Variants in CAMK1D observed in about 807,000 individuals in gnomAD.
CAMK1D encodes calcium/calmodulin dependent protein kinase ID, also known as calcium/calmodulin-dependent protein kinase type 1D.
In CAMK1D, 9 loss-of-function variants were observed where a neutral mutation model predicts 47.7. That is an observed-to-expected ratio of 0.19 (90% confidence interval 0.11 to 0.33). The LOEUF is 0.33. Among genes scored for constraint, CAMK1D ranks in the 10% least tolerant of loss-of-function variants. The pLI is 1.00. For synonymous variants in CAMK1D, 184 were observed against 184.9 expected, an observed-to-expected ratio of 0.99 and a Z score of 0.04; for missense variants, 291 against 488.7, an observed-to-expected ratio of 0.60 and a Z score of 3.81.
At chr10:12,692,952 G>A (rs1474402313) in intron 3 of CAMK1D, among the ~76,000 whole-genome samples, 1 of 152,200 alleles carries the variant, frequency 6.6e-6, no homozygotes, top group Admixed American at 6.5e-5. Flanking sequence ...GTGCCCGCTT[G>A]TTGGGTCAAA....
chr10:12,352,883 C>T (rs1453150671), intron 1 of CAMK1D, among the ~76,000 whole-genome samples: 1 of 151,772 alleles, frequency 6.6e-6, no homozygotes, highest in Admixed American at 6.6e-5. Context: ...ACTACAGACG[C>T]CCGCCGCCAT....
chr10:12,547,673 T>TTTCTC (rs1836431438), intron 1 of CAMK1D, among the ~76,000 whole-genome samples: 1 of 117,710 alleles, frequency 8.5e-6, no homozygotes, highest in Admixed American at 9.0e-5. Context: ...CTCTCTCTCT[T>TTTCTC]TCTCTCTCTC....
chr10:12,651,761 TC>T (rs1272038134), intron 2 of CAMK1D, among the ~76,000 whole-genome samples: 1 of 151,556 alleles, frequency 6.6e-6, no homozygotes, highest in African/African-American at 2.4e-5. Flanking sequence ...ACAAAGGAGC[TC>T]ATTACCATCT....
intron 1 of CAMK1D, among the ~76,000 whole-genome samples, chr10:12,463,130 G>GTTTT (rs34084682): frequency 7.1e-6 from 1 of 141,162 alleles, no homozygotes. Context: ...AGCTCTAAGA[G>GTTTT]TTTTTTTTTT....
chr10:12,553,512 C>T (rs952823902), intron 2 of CAMK1D, among the ~76,000 whole-genome samples, 156 bp downstream of exon 2: 1 of 152,174 alleles, frequency 6.6e-6, no homozygotes, highest in Non-Finnish European at 1.5e-5. Flanking sequence ...GCACTTTTCC[C>T]ATAGACCTCT....
intron 3 of CAMK1D, among the ~76,000 whole-genome samples, chr10:12,751,052 ATAAGATAAGATAAGATAAG>A (rs1835926279): frequency 4.2e-3 from 1 of 236 alleles, no homozygotes; most frequent in Non-Finnish European, 9.8e-3. Context: ...GTCTCCCCCA[ATAAGATAAGATAAGATAAG>A]ATAAGATAAG....
chr10:12,595,364 A>AAAAAAAAAAAAAAAAC (rs60206877), intron 2 of CAMK1D, among the ~76,000 whole-genome samples: 1 of 149,410 alleles, frequency 6.7e-6, no homozygotes, highest in Non-Finnish European at 1.5e-5. Context: ...AAAAAAAAAA[A>AAAAAAAAAAAAAAAAC]GGATGGTTTT....
intron 2 of CAMK1D, among the ~76,000 whole-genome samples, chr10:12,585,364 CGCCTGGGGTCT>C (rs1187887481): frequency 6.6e-6 from 1 of 152,192 alleles, no homozygotes; most frequent in Non-Finnish European, 1.5e-5. Context: ...AAGCTGCCTC[CGCCTGGGGTCT>C]CCATTCTGAC....
chr10:12,670,069 G>A (rs143017843), intron 3 of CAMK1D, among the ~76,000 whole-genome samples: 37 of 150,362 alleles, frequency 2.5e-4, no homozygotes, highest in Non-Finnish European at 2.8e-4. Context: ...GGTAGATGTT[G>A]CGTTCAACTT....
At chr10:12,595,403 G>A (rs1395956424) in intron 2 of CAMK1D, among the ~76,000 whole-genome samples, 1 of 133,102 alleles carries the variant, frequency 7.5e-6, no homozygotes, top group African/African-American at 2.8e-5. Context: ...GCTAAAGCTA[G>A]GAACTTGAGG....
chr10:12,645,958 A>G (rs1588727667), intron 2 of CAMK1D, among the ~76,000 whole-genome samples: 1 of 148,902 alleles, frequency 6.7e-6, no homozygotes, highest in Admixed American at 6.8e-5. Context: ...GATTTCTCAT[A>G]AATGGCTAGT....
chr10:12,582,095 T>TG (rs2132340347), intron 2 of CAMK1D, among the ~76,000 whole-genome samples: 1 of 152,334 alleles, frequency 6.6e-6, no homozygotes, highest in Non-Finnish European at 1.5e-5. Context: ...CTAGTTTCAT[T>TG]CTTCTACATG....
intron 2 of CAMK1D, among the ~76,000 whole-genome samples, chr10:12,661,577 A>C (rs1840276107): frequency 6.6e-6 from 1 of 152,276 alleles, no homozygotes; most frequent in South Asian, 2.1e-4. Context: ...TAAATGGTAC[A>C]ATAAAACAGC....
In CAMK1D at chr10:12,403,793, TC is replaced by T. The variant is rs145555149; in HGVS notation, c.92+53888del. 9.8e-3 allele frequency among the ~76,000 whole-genome samples: 1,485 copies of T among 152,136 alleles called. 14 individuals carry two copies. The highest frequency in any genetic ancestry group is 0.028 in the African/African-American group (1,164 of 41,522). ...GCATTGAACTTCTAAGTGTGTTTTT[TC>T]CCCCATCAGCATCTCAACTGTTCTT... On this transcript the variant is annotated intron_variant, in intron 1 of 10. Coordinates refer to ENST00000619168, the MANE Select transcript of CAMK1D (RefSeq NM_153498.4).
At chr10:12,730,460 G>A (rs368375178) in intron 3 of CAMK1D, among the ~76,000 whole-genome samples, 10 of 152,324 alleles carry the variant, frequency 6.6e-5, no homozygotes, top group African/African-American at 2.4e-4. Context: ...AGTTTGAATA[G>A]GCCGTTGGAT....
chr10:12,663,454 GAT>G (rs1251695326), intron 2 of CAMK1D, among the ~76,000 whole-genome samples: 2 of 152,110 alleles, frequency 1.3e-5, no homozygotes, highest in Non-Finnish European at 2.9e-5. Context: ...ATCTGTGCAG[GAT>G]ATATGGGAAG....
chr10:12,778,619 A>T (rs779989103), intron 5 of CAMK1D, among the ~76,000 whole-genome samples: 3 of 152,198 alleles, frequency 2.0e-5, no homozygotes, highest in Non-Finnish European at 4.4e-5. Flanking sequence ...GCTCATGCCT[A>T]TAATCCCAGC....
At chr10:12,750,279 G>A (rs1202362252) in intron 3 of CAMK1D, among the ~76,000 whole-genome samples, 2 of 152,204 alleles carry the variant, frequency 1.3e-5, no homozygotes, top group Admixed American at 6.5e-5. Context: ...CCACCCGGGG[G>A]TCACTCTGTG....
In CAMK1D at chr10:12,611,609, T is replaced by TTTTTTTTTTTTTTTTTTTTTG. The variant is rs1554796845; in HGVS notation, c.225-55127_225-55126insTTTTTTTTTTTTTTTTTTTTG. Among the ~76,000 whole-genome samples the TTTTTTTTTTTTTTTTTTTTTG allele has an allele frequency of 4.8e-5, 6 of 124,764 alleles. 1 individual carries two copies. Among genetic ancestry groups the TTTTTTTTTTTTTTTTTTTTTG allele is most frequent in the East Asian group, 4.9e-4 (2 of 4,092 alleles). 81.9% of individuals were successfully genotyped at this position (124,764 alleles called of 152,430 possible). A position where few individuals can be genotyped will look rare whatever the true frequency, so the allele number is the denominator to read the frequency against. ...ATGCCTTTTTTTTTTTTTTTTTTTT[T>TTTTTTTTTTTTTTTTTTTTTG]GAGACAGAGTCTTACTCTGTCTCCC... On this transcript the variant is annotated intron_variant, in intron 2 of 10. Transcript: ENST00000619168.
Sources: gnomAD v4.1 joint callset for allele counts (sites outside exome capture counted in the v4.1 genomes callset) on GRCh38, gnomAD v4.1.1 for gene constraint, MANE v1.5 for transcripts, NCBI Gene and HGNC (gene_info 2026-07-23, HGNC 2026-07-21) for gene names.